PLD5: variants seen among roughly 807,000 people sequenced by gnomAD.
The protein encoded by PLD5 is inactive phospholipase D5.
PLD5 carries 36 observed loss-of-function variants against 61.1 expected under a neutral mutation model. The observed-to-expected ratio is 0.59, with a 90% CI of 0.45 to 0.78. The LOEUF is 0.78. Ranked by LOEUF, PLD5 falls within the 30% of genes least tolerant of loss-of-function variation. PLD5 has a pLI of 0.00. For missense variants in PLD5, 515 were observed against 644.4 expected (o/e 0.80, Z 2.17); for synonymous variants, 243 against 242.8 (o/e 1.00, Z -0.01).
chr1:242,387,594 C>G lies in PLD5; in HGVS notation c.190-39352G>C, dbSNP rs558064372. On this transcript the variant is annotated intron_variant, in intron 1 of 9. Coordinates refer to ENST00000536534, the MANE Select transcript of PLD5 (RefSeq NM_001372062.1). Reference sequence around the variant, plus strand: ...GTATATAAGGGTTCAGTTTATTATTCTTTAAAGAATACATATATATTTTGT... The same window carrying G: ...GTATATAAGGGTTCAGTTTATTATTGTTTAAAGAATACATATATATTTTGT... 1.9e-4 allele frequency among the ~76,000 whole-genome samples: 28 copies of G among 150,524 alleles called. No homozygotes were observed. In the South Asian group the frequency reaches 4.2e-3, roughly 22 times the overall value.
At chr1:242,418,171 T>C (rs1664932173) in intron 1 of PLD5, among the ~76,000 whole-genome samples, 1 of 144,020 alleles carries the variant, frequency 6.9e-6, no homozygotes, top group African/African-American at 2.4e-5. Context: ...CAGACTTGGA[T>C]CTGAAATCTG....
At chr1:242,115,177 GAAAAGAAAAAAGAAAA>G (rs375675471) in intron 6 of PLD5, among the ~76,000 whole-genome samples, 1,622 of 151,630 alleles carry the variant, frequency 0.011, 34 homozygotes, top group African/African-American at 0.037. Flanking sequence ...GATGCTGTCT[GAAAAGAAAAAAGAAAA>G]AAAAGAAAAA....
chr1:242,454,331 CAA>C lies in PLD5; in HGVS notation c.189+69755_189+69756del, dbSNP rs34186124. Among the ~76,000 whole-genome samples, 928 of 128,062 alleles carry C rather than the reference CAA, an allele frequency of 7.2e-3. 12 individuals carry two copies. The highest frequency in any genetic ancestry group is 0.025 in the African/African-American group (870 of 34,776). 84.0% of individuals were successfully genotyped at this position (128,062 alleles called of 152,430 possible). A position where few individuals can be genotyped will look rare whatever the true frequency, so the allele number is the denominator to read the frequency against. On this transcript the variant is annotated intron_variant, in intron 1 of 9. Coordinates refer to ENST00000536534, the MANE Select transcript of PLD5 (RefSeq NM_001372062.1). ...TGGGCAACACAGCAAGACTCCGTGT[CAA>C]AAAAAAAAAAAAGGCAAATTTAATC...
intron 5 of PLD5, among the ~76,000 whole-genome samples, chr1:242,142,970 G>A (rs1168526043): frequency 2.0e-5 from 3 of 149,610 alleles, no homozygotes; most frequent in African/African-American, 7.4e-5. Flanking sequence ...TGCCTGCCTC[G>A]GCCTCCCAAA....
At chr1:242,437,570 G>T (rs904583542) in intron 1 of PLD5, among the ~76,000 whole-genome samples, 1 of 152,012 alleles carries the variant, frequency 6.6e-6, no homozygotes, top group Non-Finnish European at 1.5e-5. Context: ...GGTGGTGTGC[G>T]CCTGTAATCC....
At chr1:242,402,823 C>A (rs1664015186) in intron 1 of PLD5, among the ~76,000 whole-genome samples, 1 of 152,120 alleles carries the variant, frequency 6.6e-6, no homozygotes. Flanking sequence ...GAATATAATT[C>A]CTATGTATAA....
chr1:242,319,430 T>G (rs1214091951), intron 2 of PLD5, among the ~76,000 whole-genome samples: 1 of 151,546 alleles, frequency 6.6e-6, no homozygotes, highest in South Asian at 2.1e-4. Context: ...ATTGTGTGTG[T>G]ATATACTATG....
intron 5 of PLD5, among the ~76,000 whole-genome samples, chr1:242,170,672 A>C (rs112690370): frequency 2.6e-5 from 4 of 152,308 alleles, no homozygotes; most frequent in African/African-American, 9.6e-5. Context: ...AAGGTTAGAC[A>C]AATTGGTAAC....
At chr1:242,481,465 G>A (rs1667773099) in intron 1 of PLD5, among the ~76,000 whole-genome samples, 1 of 152,218 alleles carries the variant, frequency 6.6e-6, no homozygotes, top group Non-Finnish European at 1.5e-5. Context: ...CTCATTGCTA[G>A]CACAGCAGTC....
rs1347749071 is a variant in PLD5 at position 242,087,862 on chromosome 1, G to T, written c.*1992C>A. ...TATGGTAAATATTTAGAGTCTTAGG[G>T]ACTGGCTATTATTGATGAAGAATTT... is the stretch of plus-strand genomic sequence containing the variant. On this transcript the variant is annotated 3_prime_UTR_variant, in exon 10 of 10. Coordinates refer to ENST00000536534, the MANE Select transcript of PLD5 (RefSeq NM_001372062.1). 1 of 152,200 alleles carries T rather than the reference G, an allele frequency of 6.6e-6. No homozygotes were observed. The allele number at this position is 152,200 out of a possible 1,614,324, so 9.4% of individuals were successfully genotyped here. A position where few individuals can be genotyped will look rare whatever the true frequency, so the allele number is the denominator to read the frequency against.
intron 6 of PLD5, among the ~76,000 whole-genome samples, chr1:242,115,959 G>A (rs1327699446): frequency 6.6e-6 from 1 of 152,158 alleles, no homozygotes; most frequent in Admixed American, 6.5e-5. Flanking sequence ...AGATGTGTTT[G>A]GTTTTCTCAT....
intron 1 of PLD5, among the ~76,000 whole-genome samples, chr1:242,521,974 A>G (rs1669295126): frequency 6.6e-6 from 1 of 152,192 alleles, no homozygotes; most frequent in Non-Finnish European, 1.5e-5. Flanking sequence ...AATTCAAAAA[A>G]AATTTATATT....
chr1:242,494,844 T>C (rs1247625960), intron 1 of PLD5, among the ~76,000 whole-genome samples: 7 of 151,886 alleles, frequency 4.6e-5, no homozygotes, highest in Non-Finnish European at 1.5e-5. Flanking sequence ...TATTTGAAAA[T>C]TGGCTGACAC....
chr1:242,370,185 G>A (rs1661555473), intron 1 of PLD5, among the ~76,000 whole-genome samples: 1 of 152,138 alleles, frequency 6.6e-6, no homozygotes, highest in Non-Finnish European at 1.5e-5. Context: ...GCACACCCAG[G>A]GCTAGGGTGG....
At chr1:242,392,923 CA>C (rs1452513404) in intron 1 of PLD5, among the ~76,000 whole-genome samples, 5 of 152,056 alleles carry the variant, frequency 3.3e-5, no homozygotes, top group Non-Finnish European at 7.4e-5. Context: ...TATTTTTAGG[CA>C]GGGCCGCAGT....
chr1:242,247,220 G>A (rs974422583), intron 4 of PLD5, among the ~76,000 whole-genome samples: 6 of 152,134 alleles, frequency 3.9e-5, no homozygotes, highest in African/African-American at 1.4e-4. Context: ...CTGACCTCGT[G>A]ATCCGCCCGC....
At chr1:242,281,668 T>TA in intron 3 of PLD5, among the ~76,000 whole-genome samples, 1 of 151,870 alleles carries the variant, frequency 6.6e-6, no homozygotes, top group South Asian at 2.1e-4. Context: ...AATGGAGAGG[T>TA]AAAAAAAGGT....
At position 242,086,588 on chromosome 1, in the gene PLD5, G is replaced by T. The variant is rs1413023917; in HGVS notation, c.*3266C>A. ...GTGTGCAATGATTTGATTTGGCGGG[G>T]GGGTGGATAAAGGTGATGGGGCTTG... On this transcript the variant is annotated 3_prime_UTR_variant, in exon 10 of 10. Coordinates refer to ENST00000536534, the MANE Select transcript of PLD5 (RefSeq NM_001372062.1). The T allele has an allele frequency of 1.3e-5, 2 of 152,314 alleles. No homozygotes were observed. Among genetic ancestry groups the T allele is most frequent in the East Asian group, 3.9e-4 (2 of 5,182 alleles). 9.4% of individuals were successfully genotyped at this position (152,314 alleles called of 1,614,324 possible). A position where few individuals can be genotyped will look rare whatever the true frequency, so the allele number is the denominator to read the frequency against.
chr1:242,225,102 C>T (rs1670842768), intron 4 of PLD5, among the ~76,000 whole-genome samples: 1 of 152,236 alleles, frequency 6.6e-6, no homozygotes, highest in South Asian at 2.1e-4. Context: ...TCTCACTTAG[C>T]ATAATGCACG....
Sources: allele counts gnomAD v4.1 joint callset (sites outside exome capture counted in the v4.1 genomes callset), GRCh38; gene constraint gnomAD v4.1.1; transcripts MANE v1.5; gene names NCBI Gene and HGNC (gene_info 2026-07-23, HGNC 2026-07-21).